The following TMEM244 variants were observed in gnomAD, a reference collection of about 807,000 sequenced individuals.
The protein encoded by TMEM244 is putative transmembrane protein 244.
Under a neutral mutation model 15.8 loss-of-function variants are expected in TMEM244, and 13 were observed. That is an observed-to-expected ratio of 0.82 (90% CI 0.53 to 1.30). TMEM244 has a LOEUF of 1.30. Among genes scored for constraint, TMEM244 ranks in the 50% most tolerant of loss-of-function variants. TMEM244 has a pLI of 0.00. For missense variants in TMEM244, 161 were observed against 144.9 expected, an observed-to-expected ratio of 1.11 and a Z score of -0.57; for synonymous variants, 45 against 48.7, an observed-to-expected ratio of 0.92 and a Z score of 0.32.
chr6:129,861,191 A>G lies in TMEM244; in HGVS notation c.-3T>C. The G allele has an allele frequency of 6.2e-7, 1 of 1,613,762 alleles. No homozygotes were observed. On this transcript the variant is annotated 5_prime_UTR_variant, in exon 1 of 5. Coordinates refer to ENST00000368143, the MANE Select transcript of TMEM244 (RefSeq NM_001010876.2). The stretch of plus-strand genomic sequence containing the variant: ...GCAACTCTGACCTGGAGAGCCATGT[A>G]CACATCCTACGTCAAGGAGGTGATG...
intron 1 of TMEM244, among the ~76,000 whole-genome samples, chr6:129,846,361 T>G (rs1419624676): frequency 1.3e-5 from 2 of 152,228 alleles, no homozygotes; most frequent in African/African-American, 4.8e-5. Flanking sequence ...ATAGTAAATC[T>G]GTGTAAGACA....
intron 1 of TMEM244, among the ~76,000 whole-genome samples, chr6:129,848,112 G>T (rs987837923): frequency 6.6e-6 from 1 of 151,894 alleles, no homozygotes; most frequent in African/African-American, 2.4e-5. Context: ...CCTCCCTTAT[G>T]ACCTTCAGTC....
At chr6:129,833,019 C>T (rs1445350226) in intron 4 of TMEM244, among the ~76,000 whole-genome samples, 3 of 152,028 alleles carry the variant, frequency 2.0e-5, no homozygotes, top group African/African-American at 7.2e-5. Flanking sequence ...CAGTTTAGTT[C>T]TGAATCAGAT....
intron 1 of TMEM244, among the ~76,000 whole-genome samples, chr6:129,849,147 T>TAGAG (rs1776602586): frequency 6.6e-6 from 1 of 151,966 alleles, no homozygotes; most frequent in Non-Finnish European, 1.5e-5. Flanking sequence ...AAACTTTACA[T>TAGAG]AGAGATACAC....
intron 1 of TMEM244, 32 bp from the exon 2 acceptor site, chr6:129,845,884 C>T (rs375499591): frequency 6.8e-7 from 1 of 1,462,254 alleles, no homozygotes; most frequent in South Asian, 1.2e-5. Flanking sequence ...GGTCCAAGAG[C>T]CTGGGATTTT....
chr6:129,845,763 T>A lies in TMEM244; in HGVS notation c.119+4A>T. The A allele has an allele frequency of 1.9e-6, 3 of 1,600,502 alleles. No homozygotes were observed. Among genetic ancestry groups the A allele is most frequent in the South Asian group, 2.2e-5 (2 of 89,944 alleles). On this transcript the variant is annotated splice_donor_region_variant and intron_variant, in intron 2 of 4. Coordinates refer to ENST00000368143, the MANE Select transcript of TMEM244 (RefSeq NM_001010876.2). ...ATTCTATTTGAAGACAATGTGCTACTTACTCAAACATCACGCAGCCCATGC... is the reference window on the plus strand; with the variant it reads ...ATTCTATTTGAAGACAATGTGCTACATACTCAAACATCACGCAGCCCATGC...
At chr6:129,848,493 A>G (rs1238610742) in intron 1 of TMEM244, among the ~76,000 whole-genome samples, 1 of 152,198 alleles carries the variant, frequency 6.6e-6, no homozygotes, top group Admixed American at 6.5e-5. Flanking sequence ...AGCAGGGAAG[A>G]AGGAGTTGGG....
intron 1 of TMEM244, among the ~76,000 whole-genome samples, chr6:129,849,691 A>G (rs1776609869): frequency 6.6e-6 from 1 of 152,108 alleles, no homozygotes; most frequent in African/African-American, 2.4e-5. Flanking sequence ...TTGTGTTCAT[A>G]ACAAGTTCCC....
At chr6:129,835,625 G>T (rs918084105) in intron 3 of TMEM244, among the ~76,000 whole-genome samples, 6 of 152,158 alleles carry the variant, frequency 3.9e-5, no homozygotes, top group African/African-American at 1.4e-4. Context: ...GAAGCACAAG[G>T]GGTGGGGCGA....
rs1160265441 is a variant in TMEM244, at chr6:129,861,225, AC to A, written c.-38del. 6.2e-7 allele frequency: 1 copy of A among 1,611,740 alleles called. No individual in the cohort carries two copies. Among genetic ancestry groups the A allele is most frequent in the East Asian group, 2.2e-5 (1 of 44,812 alleles). On this transcript the variant is annotated 5_prime_UTR_variant, in exon 1 of 5. The change creates a new upstream start codon in the 5' untranslated region. Coordinates refer to ENST00000368143, the MANE Select transcript of TMEM244 (RefSeq NM_001010876.2). Reference sequence around the variant, plus strand: ...ACGTCAAGGAGGTGATGAAAGCCCCACTCCTTATAGCGATGACATCTGGAAG... The same window carrying A: ...ACGTCAAGGAGGTGATGAAAGCCCCATCCTTATAGCGATGACATCTGGAAG...
At chr6:129,857,852 G>GTGTA (rs1554208401) in intron 1 of TMEM244, among the ~76,000 whole-genome samples, 2 of 148,952 alleles carry the variant, frequency 1.3e-5, no homozygotes, top group Non-Finnish European at 3.0e-5. Flanking sequence ...ACATATATAT[G>GTGTA]TATATATATA....
At chr6:129,837,819 CAAAG>C (rs1331433611) in intron 3 of TMEM244, among the ~76,000 whole-genome samples, 2 of 152,152 alleles carry the variant, frequency 1.3e-5, no homozygotes, top group Non-Finnish European at 2.9e-5. Flanking sequence ...TCAAAAGAGA[CAAAG>C]AAGGCCACTA....
chr6:129,860,208 C>T (rs779987886), intron 1 of TMEM244, among the ~76,000 whole-genome samples: 1 of 151,308 alleles, frequency 6.6e-6, no homozygotes, highest in Non-Finnish European at 1.5e-5. Context: ...TTTGTGTAAG[C>T]TACTTAAGAG....
chr6:129,854,996 C>A (rs1280956613), intron 1 of TMEM244, among the ~76,000 whole-genome samples: 1 of 152,148 alleles, frequency 6.6e-6, no homozygotes, highest in Non-Finnish European at 1.5e-5. Context: ...CTGGTAACTG[C>A]ATTTTAAGAA....
chr6:129,858,556 A>G (rs1445335660), intron 1 of TMEM244, among the ~76,000 whole-genome samples: 1 of 152,114 alleles, frequency 6.6e-6, no homozygotes, highest in Non-Finnish European at 1.5e-5. Flanking sequence ...AATTGCTTCC[A>G]TAATATTATA....
chr6:129,843,781 A>G (rs966818865), intron 2 of TMEM244, among the ~76,000 whole-genome samples, 178 bp from the exon 3 acceptor site: 1 of 152,226 alleles, frequency 6.6e-6, no homozygotes, highest in Admixed American at 6.5e-5. Context: ...AATAATCTCT[A>G]TAGAATCTTT....
chr6:129,833,545 T>C lies in TMEM244; in HGVS notation c.234A>G (p.Gly78=), dbSNP rs1182869622. ...CTTCCACAACTGGAACAAAAAACAA[T>C]CCACAAACAAAGTAGGTGACCTCTG... is the stretch of plus-strand genomic sequence containing the variant. ...VSTEVTYFVC[G]LFFVPVVEEW... The change falls in exon 4 of 5, where the codon GGA becomes GGG. Residue 78 remains glycine (G), a synonymous_variant. Coordinates refer to ENST00000368143, the MANE Select transcript of TMEM244 (RefSeq NM_001010876.2). 1.2e-6 allele frequency: 2 copies of C among 1,612,668 alleles called. No individual in the cohort carries two copies. Among genetic ancestry groups the C allele is most frequent in the East Asian group, 4.5e-5 (2 of 44,722 alleles).
chr6:129,839,178 A>G (rs1776451136), intron 3 of TMEM244, among the ~76,000 whole-genome samples: 1 of 152,240 alleles, frequency 6.6e-6, no homozygotes, highest in Admixed American at 6.5e-5. Context: ...AAAAATCCTC[A>G]GTAAAATACT....
chr6:129,843,621 GA>G lies in TMEM244; in HGVS notation c.120-19del. 1 of 1,582,212 alleles carries G rather than the reference GA, an allele frequency of 6.3e-7. No individual in the cohort carries two copies. Among genetic ancestry groups the G allele is most frequent in the Non-Finnish European group, 8.7e-7 (1 of 1,153,764 alleles). ...CATGCACCCTAAAGATGTTATAAGT[GA>G]AAACAGTTTACTCTGAATGAGGCAG... On this transcript the variant is annotated intron_variant, in intron 2 of 4. Transcript: ENST00000368143.
Sources: gnomAD v4.1 joint callset for allele counts (sites outside exome capture counted in the v4.1 genomes callset) on GRCh38, gnomAD v4.1.1 for gene constraint, MANE v1.5 for transcripts, NCBI Gene and HGNC (gene_info 2026-07-23, HGNC 2026-07-21) for gene names.